Variants in LSS observed in about 807,000 individuals in gnomAD.
LSS encodes the protein lanosterol synthase.
A neutral mutation model predicts 110.3 loss-of-function variants in LSS; 90 were observed. The ratio of observed to expected loss-of-function variants is 0.82; its 90% confidence interval spans 0.69 to 0.97. LSS has a LOEUF of 0.97. LSS is among the 50% of genes least tolerant of loss of function. LSS has a pLI of 0.00. For synonymous variants in LSS, 433 were observed against 400.0 expected, an observed-to-expected ratio of 1.08 and a Z score of -0.98; for missense variants, 927 against 990.0, an observed-to-expected ratio of 0.94 and a Z score of 0.85.
intron 10 of LSS, 54 bp downstream of exon 10, chr21:46,213,684 G>A (rs1444477774): frequency 3.3e-6 from 5 of 1,503,622 alleles, no homozygotes; most frequent in Non-Finnish European, 4.6e-6. Context: ...TGCAGCTGGG[G>A]CTCAGATCCA....
chr21:46,227,434 T>C, intron 3 of LSS, 118 bp downstream of exon 3: 1 of 1,336,158 alleles, frequency 7.5e-7, no homozygotes. Context: ...TGCCAGCCCT[T>C]TTCTTGTGAG....
At chr21:46,203,761 A>C (rs1195650952) in intron 17 of LSS, among the ~76,000 whole-genome samples, 1 of 152,176 alleles carries the variant, frequency 6.6e-6, no homozygotes, top group African/African-American at 2.4e-5. Context: ...TTCCAAAAAA[A>C]CCACACCAGA....
rs553607050 is a variant in LSS, at chr21:46,216,439, C to T, written c.733G>A (p.Ala245Thr). ...QVYLPMSYCY[A>T]VRLSAAEDPL... is the part of the protein sequence containing the mutation. ...TCTTCCGCGGCACTCAGCCGAACGGCGTAGCAGTAGCTCATGGGCAGGTAC... is the reference window on the plus strand; with the variant it reads ...TCTTCCGCGGCACTCAGCCGAACGGTGTAGCAGTAGCTCATGGGCAGGTAC... Residue 245 changes from alanine (A) to threonine (T), a missense_variant, in exon 7 of 22, where the codon GCC becomes ACC. Physicochemically the swap from Ala to Thr is moderately conservative, Grantham distance 58. Coordinates refer to ENST00000397728, the MANE Select transcript of LSS (RefSeq NM_002340.6). This position sits in a 1 kb window ranked among gnomAD's most constrained non-coding sequence, Gnocchi z 4.2. The T allele has an allele frequency of 1.6e-5, 26 of 1,613,800 alleles. No individual in the cohort carries two copies. Among genetic ancestry groups the T allele is most frequent in the Admixed American group, 1.3e-4 (8 of 60,018 alleles).
At chr21:46,200,642 GA>G (rs1310830032) in intron 17 of LSS, among the ~76,000 whole-genome samples, 1 of 151,828 alleles carries the variant, frequency 6.6e-6, no homozygotes, top group Non-Finnish European at 1.5e-5. Flanking sequence ...CAAACACAAG[GA>G]AAGATTAAGG....
At chr21:46,192,649 G>C (rs1029624410) in intron 20 of LSS, 4 of 442,440 alleles carry the variant, frequency 9.0e-6, no homozygotes, top group African/African-American at 4.2e-5. Flanking sequence ...GTGTGCACAG[G>C]TGCCTGTGCA....
In LSS at chr21:46,204,696, C is replaced by G. The variant is rs192043598; in HGVS notation, c.1670+1140G>C. Among the ~76,000 whole-genome samples, 626 of 152,092 alleles carry G rather than the reference C, an allele frequency of 4.1e-3. 3 individuals carry two copies. The highest frequency in any genetic ancestry group is 7.9e-3 in the Non-Finnish European group (536 of 68,000). On this transcript the variant is annotated intron_variant, in intron 17 of 21. Transcript: ENST00000397728. ...TAAAAACTTTCCTCAAAGAAATCTCCAGGCCCAACTGGCATTTCCGGTAAT... is the reference window on the plus strand; with the variant it reads ...TAAAAACTTTCCTCAAAGAAATCTCGAGGCCCAACTGGCATTTCCGGTAAT...
chr21:46,189,479 C>A lies in LSS; in HGVS notation c.*1625G>T. ...GACACTGAACAGGCAGCTGACCAAG[C>A]CCTGCAGGGCTCTGAGCAGGCAGGC... is the stretch of plus-strand genomic sequence containing the variant. On this transcript the variant is annotated 3_prime_UTR_variant, in exon 22 of 22. Coordinates refer to ENST00000397728, the MANE Select transcript of LSS (RefSeq NM_002340.6). 2.8e-6 allele frequency: 1 copy of A among 351,978 alleles called. No individual in the cohort carries two copies. The highest frequency in any genetic ancestry group is 5.6e-6 in the Non-Finnish European group (1 of 177,766). 21.8% of individuals were successfully genotyped at this position (351,978 alleles called of 1,614,324 possible). A position where few individuals can be genotyped will look rare whatever the true frequency, so the allele number is the denominator to read the frequency against.
At chr21:46,203,052 CTG>C (rs552804845) in intron 17 of LSS, among the ~76,000 whole-genome samples, 116 of 152,326 alleles carry the variant, frequency 7.6e-4, no homozygotes, top group Middle Eastern at 6.8e-3. Flanking sequence ...TCCCACCACT[CTG>C]TGAGGCTGTA....
At position 46,189,630 on chromosome 21, in the gene LSS, T is replaced by G. The variant is rs1204319481; in HGVS notation, c.*1474A>C. On this transcript the variant is annotated 3_prime_UTR_variant, in exon 22 of 22. Coordinates refer to ENST00000397728, the MANE Select transcript of LSS (RefSeq NM_002340.6). ...AGGCAGAGGGGTGCCCCTGAAGGAC[T>G]CTGGGCAGGCAATGACAGGATCTGA... The G allele has an allele frequency of 4.4e-6, 2 of 455,486 alleles. No individual in the cohort carries two copies. The highest frequency in any genetic ancestry group is 6.9e-5 in the East Asian group (1 of 14,402). 28.2% of individuals were successfully genotyped at this position (455,486 alleles called of 1,614,324 possible).
At position 46,213,017 on chromosome 21, in the gene LSS, G is replaced by A. The variant is rs911660940; in HGVS notation, c.1137+8C>T. 2 of 1,613,898 alleles carry A rather than the reference G, an allele frequency of 1.2e-6. No individual in the cohort carries two copies. Among genetic ancestry groups the A allele is most frequent in the Middle Eastern group, 1.7e-4 (1 of 5,974 alleles). On this transcript the variant is annotated splice_region_variant and intron_variant, in intron 11 of 21. Coordinates refer to ENST00000397728, the MANE Select transcript of LSS (RefSeq NM_002340.6). ...GGAAGCATGCAGCCGCAGTCCCGCA[G>A]CCCTTACCTGCATTTTCATGCCGTC...
chr21:46,213,637 A>G (rs2080161859), intron 10 of LSS, 101 bp downstream of exon 10: 4 of 861,696 alleles, frequency 4.6e-6, no homozygotes, highest in South Asian at 4.3e-5. Flanking sequence ...CCCTGGCAGT[A>G]TTCCCAGATG....
At chr21:46,192,291 G>T (rs1601408071) in intron 20 of LSS, 1 of 453,776 alleles carries the variant, frequency 2.2e-6, no homozygotes, top group East Asian at 4.6e-5. Flanking sequence ...GAGACCCACA[G>T]GAGCTCACAC....
In LSS at chr21:46,190,712, C is replaced by T. The variant is rs1201445225; in HGVS notation, c.*392G>A. The T allele has an allele frequency of 4.8e-6, 1 of 208,264 alleles. No individual in the cohort carries two copies. The highest frequency in any genetic ancestry group is 2.4e-5 in the African/African-American group (1 of 41,674). 12.9% of individuals were successfully genotyped at this position (208,264 alleles called of 1,614,324 possible). On this transcript the variant is annotated 3_prime_UTR_variant, in exon 22 of 22. Coordinates refer to ENST00000397728, the MANE Select transcript of LSS (RefSeq NM_002340.6). The surrounding 1 kb of genome is among the most constrained non-coding windows in gnomAD (Gnocchi z 4.6). Reference sequence around the variant, plus strand: ...AGGGCCGACCCCAGCCCAGAGCCCACTCGACACTAAGGAATCACACAGGCA... The same window carrying T: ...AGGGCCGACCCCAGCCCAGAGCCCATTCGACACTAAGGAATCACACAGGCA...
intron 18 of LSS, 145 bp from the exon 19 acceptor site, chr21:46,195,901 GCT>G (rs2079903523): frequency 1.4e-6 from 1 of 692,328 alleles, no homozygotes; most frequent in African/African-American, 1.8e-5. Context: ...GAAGACAGCA[GCT>G]CTGTCTGCTG....
intron 17 of LSS, among the ~76,000 whole-genome samples, chr21:46,203,189 T>C (rs1173850807): frequency 1.3e-5 from 2 of 152,218 alleles, no homozygotes; most frequent in African/African-American, 4.8e-5. Flanking sequence ...CATGTGGCTC[T>C]AGGGAATAAT....
intron 9 of LSS, among the ~76,000 whole-genome samples, chr21:46,214,750 GA>G (rs2080177903): frequency 6.6e-6 from 1 of 152,194 alleles, no homozygotes; most frequent in Admixed American, 6.5e-5. Flanking sequence ...TAGGCAGGAG[GA>G]ATCAGGAGTG....
intron 3 of LSS, among the ~76,000 whole-genome samples, chr21:46,226,135 CAAAAA>C (rs60505491): frequency 7.3e-6 from 1 of 136,454 alleles, no homozygotes. Context: ...AACGCTGTCT[CAAAAA>C]AAAAAAAAAA....
intron 17 of LSS, among the ~76,000 whole-genome samples, chr21:46,201,658 A>T (rs2079979460): frequency 6.6e-6 from 1 of 152,152 alleles, no homozygotes; most frequent in Non-Finnish European, 1.5e-5. Flanking sequence ...ACTTTTCAGT[A>T]TTTTTGTAAC....
intron 5 of LSS, 33 bp downstream of exon 5, chr21:46,221,821 C>T: frequency 6.2e-7 from 1 of 1,613,216 alleles, no homozygotes; most frequent in South Asian, 1.1e-5. Flanking sequence ...TTGACACGAA[C>T]CCCTGGCCCA....
Sources: gnomAD v4.1 joint callset for allele counts (sites outside exome capture counted in the v4.1 genomes callset) on GRCh38, gnomAD v4.1.1 for gene constraint, Gnocchi (gnomAD v3.1) non-coding constraint, MANE v1.5 for transcripts, NCBI Gene and HGNC (gene_info 2026-07-23, HGNC 2026-07-21) for gene names.